The following UBXN2A variants were observed in gnomAD, a reference collection of about 807,000 sequenced individuals.
UBXN2A encodes the protein UBX domain protein 2A, also known as UBX domain-containing protein 2A.
UBXN2A carries 28 observed loss-of-function variants against 28.4 expected under a neutral mutation model. The observed-to-expected ratio is 0.99, with a 90% CI of 0.73 to 1.35. The LOEUF (loss-of-function observed/expected upper bound fraction) is 1.35, where lower values mean the gene tolerates loss of function less well. Ranked by LOEUF, UBXN2A falls within the 40% of genes most tolerant of loss-of-function variation. The pLI is 0.00. For missense variants in UBXN2A, 253 were observed against 297.9 expected (o/e 0.85, Z 1.11); for synonymous variants, 97 against 103.6 (o/e 0.94, Z 0.39).
rs796658061 is a variant in UBXN2A at position 23,996,460 on chromosome 2, C to G, written c.585-3212C>G. On this transcript the variant is annotated intron_variant, in intron 6 of 6. Transcript: ENST00000309033. ...ATTATGCCTTCTCTTTTTCTGTTTT[C>G]TTTTTTCTTTTTCTTTTTCTTTTTT... 8.0e-5 allele frequency among the ~76,000 whole-genome samples: 12 copies of G among 150,120 alleles called. 1 individual carries two copies. Among genetic ancestry groups the G allele is most frequent in the African/African-American group, 2.7e-4 (11 of 40,962 alleles).
At chr2:23,932,196 T>C (rs1342719640) in intron 1 of UBXN2A, among the ~76,000 whole-genome samples, 1 of 151,766 alleles carries the variant, frequency 6.6e-6, no homozygotes, top group African/African-American at 2.4e-5. Context: ...TGGGCACCTG[T>C]AATCCCAGCT....
At position 24,003,509 on chromosome 2, in the gene UBXN2A, A is replaced by G. The variant is rs1236843965; in HGVS notation, c.*3642A>G. ...AAAATCTATCTTCTGATTGCAGTCT[A>G]TTGTGAGAATGCTGCTTTTCCTAGC... On this transcript the variant is annotated 3_prime_UTR_variant, in exon 7 of 7. Transcript: ENST00000309033. 1 of 152,140 alleles carries G rather than the reference A, an allele frequency of 6.6e-6. No homozygotes were observed. The highest frequency in any genetic ancestry group is 1.5e-5 in the Non-Finnish European group (1 of 68,014). 9.4% of individuals were successfully genotyped at this position (152,140 alleles called of 1,614,324 possible).
intron 1 of UBXN2A, among the ~76,000 whole-genome samples, chr2:23,945,828 CTCTTTTTTTTTTTTT>C (rs1390648038): frequency 6.9e-6 from 1 of 144,988 alleles, no homozygotes; most frequent in Non-Finnish European, 1.5e-5. Context: ...TTTTTTTCTT[CTCTTTTTTTTTTTTT>C]GAGACAGGGT....
At chr2:23,958,254 G>GCTTTTTACTTACTTT (rs1295212012) in intron 1 of UBXN2A, 47 bp from the exon 2 acceptor site, 43 of 1,506,184 alleles carry the variant, frequency 2.9e-5, no homozygotes, top group Non-Finnish European at 3.8e-5. Flanking sequence ...TACATATTAA[G>GCTTTTTACTTACTTT]CTTTTTACTT....
At chr2:23,972,561 T>C (rs980599669) in intron 3 of UBXN2A, among the ~76,000 whole-genome samples, 8 of 152,270 alleles carry the variant, frequency 5.3e-5, no homozygotes, top group South Asian at 2.1e-4. Flanking sequence ...CGGTGGCTCA[T>C]GCCTGTAATC....
chr2:23,932,148 T>G (rs1226137060), intron 1 of UBXN2A, among the ~76,000 whole-genome samples: 1 of 151,964 alleles, frequency 6.6e-6, no homozygotes, highest in Non-Finnish European at 1.5e-5. Flanking sequence ...TGAAACCCCA[T>G]CTCTACTAAA....
intron 1 of UBXN2A, among the ~76,000 whole-genome samples, chr2:23,944,858 T>C (rs1481065289): frequency 1.3e-5 from 2 of 152,174 alleles, no homozygotes; most frequent in African/African-American, 4.8e-5. Flanking sequence ...GGAGCAGAAT[T>C]AGTCTGTCCC....
At chr2:23,984,248 C>G (rs549394113) in intron 5 of UBXN2A, among the ~76,000 whole-genome samples, 23 of 152,082 alleles carry the variant, frequency 1.5e-4, no homozygotes, top group Non-Finnish European at 2.8e-4. Context: ...CTGGATGCAT[C>G]CTTCAGAATG....
At chr2:23,935,101 A>G (rs192420512) in intron 1 of UBXN2A, among the ~76,000 whole-genome samples, 106 of 152,296 alleles carry the variant, frequency 7.0e-4, no homozygotes, top group Non-Finnish European at 1.3e-3. Context: ...AAATGGAGCA[A>G]ACACCTAAAT....
rs76779219 is a variant in UBXN2A, at chr2:23,960,534, A to G, written c.41+2179A>G. On this transcript the variant is annotated intron_variant, in intron 2 of 6. Transcript: ENST00000309033. ...CATTCACAGATTTTTGCAGTCATTA[A>G]CATAGTCAATTTTCGCGCATTTATA... Among the ~76,000 whole-genome samples the G allele has an allele frequency of 2.8e-3, 431 of 152,304 alleles. 14 individuals are homozygous for G. The East Asian group carries it at 0.063, about 22-fold the overall frequency.
At chr2:23,955,453 A>G (rs1396923882) in intron 1 of UBXN2A, among the ~76,000 whole-genome samples, 4 of 151,584 alleles carry the variant, frequency 2.6e-5, no homozygotes, top group Admixed American at 6.6e-5. Context: ...TTTTTCTCTC[A>G]CTCTCTTTCA....
intron 4 of UBXN2A, among the ~76,000 whole-genome samples, chr2:23,980,781 C>T (rs1045415794): frequency 5.3e-5 from 8 of 152,104 alleles, no homozygotes; most frequent in Admixed American, 4.6e-4. Flanking sequence ...GCATGTACCA[C>T]CACATCCGGC....
chr2:23,954,723 A>G (rs944548073), intron 1 of UBXN2A, among the ~76,000 whole-genome samples: 2 of 146,616 alleles, frequency 1.4e-5, no homozygotes, highest in East Asian at 2.0e-4. Flanking sequence ...AAAAATGTCT[A>G]TTCACACAAG....
rs191448753 is a variant in UBXN2A at position 23,966,887 on chromosome 2, A to G, written c.42-4389A>G. ...GCCTCCTGAGCTCAGCCTCCCAAGT[A>G]GCTGGGGCTACAGGTGTGCACCACC... On this transcript the variant is annotated intron_variant, in intron 2 of 6. Coordinates refer to ENST00000309033, the MANE Select transcript of UBXN2A (RefSeq NM_181713.4). 3.0e-3 allele frequency among the ~76,000 whole-genome samples: 459 copies of G among 150,684 alleles called. 2 individuals are homozygous for G. The Middle Eastern group carries it at 0.038, about 12-fold the overall frequency.
intron 1 of UBXN2A, among the ~76,000 whole-genome samples, chr2:23,942,469 G>A (rs1003920974): frequency 7.0e-6 from 1 of 143,194 alleles, no homozygotes; most frequent in African/African-American, 2.6e-5. Context: ...TGTCACCCAG[G>A]CTGGAGTGCA....
In UBXN2A at chr2:23,999,729, G is replaced by T; in HGVS notation, c.642G>T (p.Pro214=). The T allele has an allele frequency of 1.2e-6, 2 of 1,614,060 alleles. No individual in the cohort carries two copies. Among genetic ancestry groups the T allele is most frequent in the Non-Finnish European group, 1.7e-6 (2 of 1,180,020 alleles). The change falls in exon 7 of 7, where the codon CCG becomes CCT. Residue 214 remains proline (P), a synonymous_variant. Coordinates refer to ENST00000309033, the MANE Select transcript of UBXN2A (RefSeq NM_181713.4). Reference sequence around the variant, plus strand: ...ACCAAGGATCTCAAAGAAGTCCTCCGTTTTCCCTGGCAACAGCTCTTCCTG... The same window carrying T: ...ACCAAGGATCTCAAAGAAGTCCTCCTTTTTCCCTGGCAACAGCTCTTCCTG... The part of the protein sequence containing the change: ...EKYQGSQRSP[P]FSLATALPVL...
chr2:23,942,319 G>A (rs1223965924), intron 1 of UBXN2A, among the ~76,000 whole-genome samples: 1 of 151,950 alleles, frequency 6.6e-6, no homozygotes. Context: ...TGGCGCGGAG[G>A]CTAGGGAAGA....
intron 5 of UBXN2A, among the ~76,000 whole-genome samples, chr2:23,984,326 T>C (rs947158112): frequency 6.6e-6 from 1 of 152,204 alleles, no homozygotes; most frequent in African/African-American, 2.4e-5. Flanking sequence ...AAAGAACTTA[T>C]AATTTCTTCT....
At chr2:23,929,487 G>A (rs943701209) in intron 1 of UBXN2A, among the ~76,000 whole-genome samples, 36 of 150,988 alleles carry the variant, frequency 2.4e-4, no homozygotes, top group African/African-American at 7.8e-4. Flanking sequence ...AGAGGCGGGC[G>A]GATCACTTGA....
Sources: allele counts gnomAD v4.1 joint callset (sites outside exome capture counted in the v4.1 genomes callset), GRCh38; gene constraint gnomAD v4.1.1; transcripts MANE v1.5; gene names NCBI Gene and HGNC (gene_info 2026-07-23, HGNC 2026-07-21).